The following MYO5B variants were observed in gnomAD, a reference collection of about 807,000 sequenced individuals.
MYO5B encodes the protein unconventional myosin-Vb.
A neutral mutation model predicts 229.3 loss-of-function variants in MYO5B; 143 were observed. The ratio of observed to expected loss-of-function variants is 0.62; its 90% CI spans 0.54 to 0.72. The LOEUF (loss-of-function observed/expected upper bound fraction) is 0.72, where lower values mean the gene tolerates loss of function less well. MYO5B is among the 30% of genes least tolerant of loss of function. MYO5B has a pLI of 0.00. For synonymous variants in MYO5B, 918 were observed against 885.2 expected, an observed-to-expected ratio of 1.04 and a Z score of -0.66; for missense variants, 2,321 against 2,331.0, an observed-to-expected ratio of 1.00 and a Z score of 0.09.
At chr18:49,860,167 T>G (rs1404134780) in intron 29 of MYO5B, among the ~76,000 whole-genome samples, 1 of 151,964 alleles carries the variant, frequency 6.6e-6, no homozygotes, top group Non-Finnish European at 1.5e-5. Flanking sequence ...AAGGCTTGGG[T>G]AGAAGTGGAC....
chr18:49,988,026 G>A (rs777373029), intron 7 of MYO5B, among the ~76,000 whole-genome samples: 3 of 152,118 alleles, frequency 2.0e-5, no homozygotes, highest in Non-Finnish European at 4.4e-5. Flanking sequence ...TAAATGCAAT[G>A]GCCCAACAAT....
chr18:50,074,339 G>C (rs1241996502), intron 1 of MYO5B, among the ~76,000 whole-genome samples: 1 of 152,156 alleles, frequency 6.6e-6, no homozygotes, highest in Non-Finnish European at 1.5e-5. Context: ...GGTGAGATTT[G>C]GGTGAGGACA....
chr18:50,150,866 G>A (rs1424064722), intron 1 of MYO5B, among the ~76,000 whole-genome samples: 3 of 152,170 alleles, frequency 2.0e-5, no homozygotes, highest in Non-Finnish European at 4.4e-5. Context: ...ATAGGGCAGT[G>A]GAAGCCACAA....
chr18:50,097,230 A>T (rs987193274), intron 1 of MYO5B: 2 of 456,432 alleles, frequency 4.4e-6, no homozygotes, highest in African/African-American at 2.0e-5. Flanking sequence ...CCGCATCCCT[A>T]GAATTGATCT....
rs77787085 is a variant in MYO5B at position 49,952,168 on chromosome 18, G to C, written c.1752+1092C>G. On this transcript the variant is annotated intron_variant, in intron 14 of 39. Coordinates refer to ENST00000285039, the MANE Select transcript of MYO5B (RefSeq NM_001080467.3). ...CAGGGTTTACTTGGCTTTATGTCCT[G>C]GGTCCATTTTGCTGGATATATTTTC... Among the ~76,000 whole-genome samples, 58 of 152,270 alleles carry C rather than the reference G, an allele frequency of 3.8e-4. 1 individual carries two copies. In the East Asian group the frequency reaches 8.3e-3, roughly 22 times the overall value.
chr18:49,920,952 G>C (rs141057028), intron 17 of MYO5B, among the ~76,000 whole-genome samples: 1 of 152,284 alleles, frequency 6.6e-6, no homozygotes, highest in Non-Finnish European at 1.5e-5. Flanking sequence ...AGACCCAAAG[G>C]CTGTGAGATC....
chr18:49,828,163 G>C (rs1452941671), intron 39 of MYO5B, among the ~76,000 whole-genome samples: 1 of 152,204 alleles, frequency 6.6e-6, no homozygotes, highest in Non-Finnish European at 1.5e-5. Flanking sequence ...ATGGAGGGCT[G>C]ACTGTATAAG....
chr18:50,036,410 C>T (rs184209336), intron 4 of MYO5B, among the ~76,000 whole-genome samples: 140 of 152,340 alleles, frequency 9.2e-4, no homozygotes, highest in African/African-American at 2.9e-3. Flanking sequence ...TCTGCCCTTA[C>T]GTGCTTGGCA....
intron 22 of MYO5B, among the ~76,000 whole-genome samples, chr18:49,889,532 G>A (rs541452508): frequency 4.6e-5 from 7 of 152,280 alleles, no homozygotes; most frequent in African/African-American, 1.7e-4. Flanking sequence ...GTCAACTACT[G>A]GTAGGTTTTA....
chr18:49,849,292 C>A (rs1487157173), intron 32 of MYO5B, among the ~76,000 whole-genome samples: 1 of 152,232 alleles, frequency 6.6e-6, no homozygotes, highest in Non-Finnish European at 1.5e-5. Flanking sequence ...ACCACCAGGT[C>A]ACCTCTGGGT....
chr18:49,861,035 G>C (rs1020608637), intron 29 of MYO5B, among the ~76,000 whole-genome samples: 1 of 152,176 alleles, frequency 6.6e-6, no homozygotes, highest in Non-Finnish European at 1.5e-5. Context: ...GCCAGACTGG[G>C]AGAGAGGCAG....
chr18:50,188,816 A>AAAC (rs1568138517), intron 1 of MYO5B, among the ~76,000 whole-genome samples: 1 of 141,302 alleles, frequency 7.1e-6, no homozygotes, highest in African/African-American at 2.6e-5. Context: ...AAAAAAAAAA[A>AAAC]ACACACACAC....
intron 3 of MYO5B, 97 bp downstream of exon 3, chr18:50,040,046 G>T: frequency 2.3e-6 from 3 of 1,315,184 alleles, no homozygotes; most frequent in Admixed American, 3.4e-5. Context: ...TTACAAATGA[G>T]AGAGTGAAAT....
intron 1 of MYO5B, among the ~76,000 whole-genome samples, chr18:50,158,705 TG>T: frequency 6.6e-6 from 1 of 152,304 alleles, no homozygotes; most frequent in Middle Eastern, 3.4e-3. Flanking sequence ...CAGAGTCCAT[TG>T]TTGAGGACAC....
At chr18:50,127,660 T>A (rs1478165914) in intron 1 of MYO5B, among the ~76,000 whole-genome samples, 1 of 152,186 alleles carries the variant, frequency 6.6e-6, no homozygotes, top group East Asian at 1.9e-4. Flanking sequence ...GGGATTTAGG[T>A]GGGGCTTTAA....
chr18:49,829,875 T>C (rs1478800636), intron 39 of MYO5B, among the ~76,000 whole-genome samples: 1 of 152,086 alleles, frequency 6.6e-6, no homozygotes, highest in African/African-American at 2.4e-5. Context: ...AGAAAAGCAT[T>C]TGCCAAAATC....
intron 17 of MYO5B, among the ~76,000 whole-genome samples, chr18:49,913,558 C>T (rs1285587781): frequency 6.6e-6 from 1 of 152,130 alleles, no homozygotes; most frequent in Non-Finnish European, 1.5e-5. Context: ...GAGGCATGTG[C>T]TGTCCATACC....
chr18:50,108,525 T>C (rs1039659824), intron 1 of MYO5B, among the ~76,000 whole-genome samples: 4 of 152,192 alleles, frequency 2.6e-5, no homozygotes, highest in East Asian at 1.9e-4. Flanking sequence ...TTCAACATGA[T>C]TGTACTGAAA....
intron 27 of MYO5B, among the ~76,000 whole-genome samples, chr18:49,865,464 A>G (rs1284412310): frequency 2.0e-5 from 3 of 152,186 alleles, no homozygotes; most frequent in Non-Finnish European, 4.4e-5. Context: ...TGGTGAGTCT[A>G]TTTACTAAGT....
Sources: allele counts gnomAD v4.1 joint callset (sites outside exome capture counted in the v4.1 genomes callset), GRCh38; gene constraint gnomAD v4.1.1; transcripts MANE v1.5; gene names NCBI Gene and HGNC (gene_info 2026-07-23, HGNC 2026-07-21).